ST13: variants seen among roughly 807,000 people sequenced by gnomAD.
ST13 encodes ST13 Hsp70 interacting protein, also known as hsc70-interacting protein.
ST13 carries 23 observed loss-of-function variants against 56.7 expected under a neutral mutation model. The observed-to-expected ratio is 0.41, with a 90% confidence interval of 0.29 to 0.57. ST13 has a LOEUF of 0.57. Ranked by LOEUF, ST13 falls within the 20% of genes least tolerant of loss-of-function variation. The probability of loss-of-function intolerance (pLI) is 0.36; values close to 1 mark genes in which losing one functional copy is unlikely to be tolerated. For missense variants in ST13, 369 were observed against 459.9 expected (o/e 0.80, Z 1.81); for synonymous variants, 132 against 142.4 (o/e 0.93, Z 0.52).
intron 10 of ST13, among the ~76,000 whole-genome samples, 174 bp from the exon 11 acceptor site, chr22:40,827,403 T>A (rs2057733907): frequency 6.6e-6 from 1 of 152,228 alleles, no homozygotes; most frequent in African/African-American, 2.4e-5. Flanking sequence ...CTTCTAATTA[T>A]CTCTTTAAAA....
chr22:40,832,753 A>T, intron 7 of ST13, 82 bp from the exon 8 acceptor site: 2 of 1,096,446 alleles, frequency 1.8e-6, no homozygotes, highest in Non-Finnish European at 2.7e-6. Flanking sequence ...CTTACAAAAA[A>T]GGATTGTTCT....
chr22:40,854,725 G>A (rs1480695723), intron 1 of ST13: 1 of 152,148 alleles, frequency 6.6e-6, no homozygotes, highest in Non-Finnish European at 1.5e-5. Context: ...TTCTTCCTGT[G>A]ATACTTGTCT....
intron 1 of ST13, among the ~76,000 whole-genome samples, chr22:40,852,021 G>A (rs1376136766): frequency 6.6e-6 from 1 of 152,170 alleles, no homozygotes. Context: ...GGATTTACAG[G>A]CATGAACCAC....
At chr22:40,829,412 C>T (rs2057743612) in intron 10 of ST13, among the ~76,000 whole-genome samples, 1 of 152,140 alleles carries the variant, frequency 6.6e-6, no homozygotes, top group Admixed American at 6.5e-5. Flanking sequence ...AATTTCTGAT[C>T]ACATTTGAAA....
chr22:40,831,656 ATAATT>A (rs1472004900), intron 8 of ST13, among the ~76,000 whole-genome samples: 1 of 152,220 alleles, frequency 6.6e-6, no homozygotes, highest in Non-Finnish European at 1.5e-5. Flanking sequence ...CTGGCAGTAA[ATAATT>A]AAATTCAATA....
intron 3 of ST13, among the ~76,000 whole-genome samples, chr22:40,846,328 A>G (rs2057831142): frequency 6.6e-6 from 1 of 152,162 alleles, no homozygotes; most frequent in African/African-American, 2.4e-5. Flanking sequence ...TCCATCTCAC[A>G]TATTTATTTG....
intron 1 of ST13, among the ~76,000 whole-genome samples, chr22:40,853,736 C>T (rs1348376877): frequency 1.3e-5 from 2 of 152,108 alleles, no homozygotes; most frequent in African/African-American, 4.8e-5. Context: ...TGTTCATTTC[C>T]TTTACAACAT....
At position 40,856,477 on chromosome 22, in the gene ST13, C is replaced by A; in HGVS notation, c.64G>T (p.Val22Phe). The A allele has an allele frequency of 6.2e-7, 1 of 1,613,596 alleles. No individual in the cohort carries two copies. The highest frequency in any genetic ancestry group is 8.5e-7 in the Non-Finnish European group (1 of 1,179,730). The change falls in exon 1 of 12, where the codon GTT becomes TTT. Residue 22 changes from valine to phenylalanine, a missense_variant. By Grantham distance (50) the Val-to-Phe change is conservative. Coordinates refer to ENST00000216218, the MANE Select transcript of ST13 (RefSeq NM_003932.5). ...AAGCGCATTTCCTCGGTGTGCAGAA[C>A]GCTCGGATCCTGCTTACACATTTTC... is the stretch of plus-strand genomic sequence containing the variant. ...FVKMCKQDPS[V>F]LHTEEMRFLR...
intron 4 of ST13, among the ~76,000 whole-genome samples, chr22:40,843,333 C>A (rs942584990): frequency 1.3e-4 from 20 of 152,132 alleles, no homozygotes; most frequent in African/African-American, 4.6e-4. Context: ...CAACCTATTT[C>A]TAAAATTTAC....
At chr22:40,840,032 C>A (rs1019984961) in intron 5 of ST13, among the ~76,000 whole-genome samples, 4 of 151,946 alleles carry the variant, frequency 2.6e-5, no homozygotes, top group Admixed American at 6.6e-5. Flanking sequence ...CGCTTGTAAT[C>A]CCAGCTACTC....
At chr22:40,835,691 TAAA>T in intron 6 of ST13, 21 bp from the exon 7 acceptor site, 2 of 1,607,494 alleles carry the variant, frequency 1.2e-6, no homozygotes, top group Non-Finnish European at 8.5e-7. Flanking sequence ...AGTGTGTTAT[TAAA>T]AAGTATTCAT....
At chr22:40,837,407 G>C (rs928422682) in intron 5 of ST13, among the ~76,000 whole-genome samples, 5 of 152,092 alleles carry the variant, frequency 3.3e-5, no homozygotes, top group African/African-American at 1.2e-4. Context: ...CCTGAGGTCG[G>C]GAGTTCAAGA....
intron 3 of ST13, among the ~76,000 whole-genome samples, chr22:40,847,904 G>A (rs1006297310): frequency 4.6e-5 from 7 of 151,900 alleles, no homozygotes; most frequent in South Asian, 2.1e-4. Flanking sequence ...AAAATTAGCC[G>A]AGTGTGGTGG....
chr22:40,833,166 C>G (rs1477047220), intron 7 of ST13, among the ~76,000 whole-genome samples: 1 of 152,176 alleles, frequency 6.6e-6, no homozygotes, highest in African/African-American at 2.4e-5. Context: ...CTGGGTATAC[C>G]TTTTAACTCA....
chr22:40,852,432 G>A (rs2057866403), intron 1 of ST13, among the ~76,000 whole-genome samples: 1 of 152,128 alleles, frequency 6.6e-6, no homozygotes, highest in African/African-American at 2.4e-5. Flanking sequence ...CCCTTTGTCA[G>A]CTTTATGTGT....
At chr22:40,856,327 GGCAGCGACCCC>G in intron 1 of ST13, 93 bp downstream of exon 1, 1 of 996,522 alleles carries the variant, frequency 1.0e-6, no homozygotes, top group Non-Finnish European at 1.6e-6. Context: ...GCAAAGAAGG[GGCAGCGACCCC>G]GCCTCGCCCG....
chr22:40,836,766 CAAATA>C (rs1326008538), intron 5 of ST13, among the ~76,000 whole-genome samples: 2 of 151,808 alleles, frequency 1.3e-5, no homozygotes, highest in Non-Finnish European at 3.0e-5. Flanking sequence ...TGTCATTCAA[CAAATA>C]AAACACCCTA....
At position 40,844,912 on chromosome 22, in the gene ST13, G is replaced by C. The variant is rs1376366952; in HGVS notation, c.245-3C>G. On this transcript the variant is annotated splice_polypyrimidine_tract_variant and splice_region_variant and intron_variant, in intron 3 of 11. Transcript: ENST00000216218. ...AATCACACCTTCTTTATCAATTTCT[G>C]CCAAAGTCGAGAAAATGACAATAAG... 1 of 1,610,568 alleles carries C rather than the reference G, an allele frequency of 6.2e-7. No individual in the cohort carries two copies.
intron 2 of ST13, among the ~76,000 whole-genome samples, chr22:40,848,666 C>A (rs1255515976): frequency 6.6e-6 from 1 of 152,166 alleles, no homozygotes; most frequent in East Asian, 1.9e-4. Context: ...TCACTTGAAC[C>A]TGGGAGGCGG....
Sources: gnomAD v4.1 joint callset for allele counts (sites outside exome capture counted in the v4.1 genomes callset) on GRCh38, gnomAD v4.1.1 for gene constraint, MANE v1.5 for transcripts, NCBI Gene and HGNC (gene_info 2026-07-23, HGNC 2026-07-21) for gene names.